The following TNRC6A variants were observed in gnomAD, a reference collection of about 807,000 sequenced individuals.
The protein encoded by TNRC6A is trinucleotide repeat containing adaptor 6A.
Under a neutral mutation model 221.2 loss-of-function variants are expected in TNRC6A, and 44 were observed. The ratio of observed to expected loss-of-function variants is 0.20; its 90% CI spans 0.16 to 0.26. The LOEUF (loss-of-function observed/expected upper bound fraction) is 0.26. Among genes scored for constraint, TNRC6A ranks in the 10% least tolerant of loss-of-function variants. The pLI, the probability that TNRC6A is intolerant of heterozygous loss-of-function variation, is 1.00. For synonymous variants in TNRC6A, 847 were observed against 838.5 expected, an observed-to-expected ratio of 1.01 and a Z score of -0.18; for missense variants, 2,199 against 2,404.4, an observed-to-expected ratio of 0.91 and a Z score of 1.79.
intron 5 of TNRC6A, among the ~76,000 whole-genome samples, chr16:24,783,962 T>C (rs1173022800): frequency 6.6e-6 from 1 of 152,236 alleles, no homozygotes; most frequent in East Asian, 1.9e-4. Context: ...TCAGTTTTAA[T>C]AGCGTCTTTT....
intron 4 of TNRC6A, among the ~76,000 whole-genome samples, chr16:24,770,679 C>G (rs1367674136): frequency 6.6e-6 from 1 of 152,170 alleles, no homozygotes; most frequent in East Asian, 1.9e-4. Context: ...CTCCTTCTAT[C>G]TGCTGCTTAA....
chr16:24,823,410 C>A lies in TNRC6A; in HGVS notation c.5514-22C>A. 1 of 1,589,330 alleles carries A rather than the reference C, an allele frequency of 6.3e-7. No individual in the cohort carries two copies. The highest frequency in any genetic ancestry group is 1.1e-5 in the South Asian group (1 of 87,022). On this transcript the variant is annotated intron_variant, in intron 24 of 24. Transcript: ENST00000395799. This position sits in a 1 kb window ranked among gnomAD's most constrained non-coding sequence, Gnocchi z 4.3. Reference sequence around the variant, plus strand: ...CTCCTGGTGTGCTGTCCTCACGTGTCCGCGGTGCCTCTCTCCTCTAGGTGT... The same window carrying A: ...CTCCTGGTGTGCTGTCCTCACGTGTACGCGGTGCCTCTCTCCTCTAGGTGT...
intron 2 of TNRC6A, among the ~76,000 whole-genome samples, chr16:24,660,855 C>A (rs899132109): frequency 2.7e-5 from 4 of 149,320 alleles, no homozygotes; most frequent in African/African-American, 9.9e-5. Context: ...CATTCTCCTG[C>A]CTCAGCCTCC....
In TNRC6A at chr16:24,809,290, C is replaced by T. The variant is rs1195233328; in HGVS notation, c.4541-60C>T. ...GTTTTTCTAGGAAATAGAAGTTGTG[C>T]TACTAGAAAGAAAATGTGCTGTATT... is the stretch of plus-strand genomic sequence containing the variant. On this transcript the variant is annotated intron_variant, in intron 17 of 24. Coordinates refer to ENST00000395799, the MANE Select transcript of TNRC6A (RefSeq NM_014494.4). 21 of 1,388,022 alleles carry T rather than the reference C, an allele frequency of 1.5e-5. No homozygotes were observed. The Middle Eastern group carries it at 7.2e-4, about 47-fold the overall frequency. The allele number at this position is 1,388,022 out of a possible 1,614,324, so 86.0% of individuals were successfully genotyped here. A position where few individuals can be genotyped will look rare whatever the true frequency, so the allele number is the denominator to read the frequency against.
At chr16:24,809,926 C>CTAG (rs2058509770) in intron 18 of TNRC6A, among the ~76,000 whole-genome samples, 1 of 152,190 alleles carries the variant, frequency 6.6e-6, no homozygotes. Flanking sequence ...AGTTCTCCTA[C>CTAG]CTCAGCCTCC....
chr16:24,823,624 T>G lies in TNRC6A; in HGVS notation c.5706T>G (p.Gly1902=), dbSNP rs752525621. Residue 1902 remains glycine, a synonymous_variant, in exon 25 of 25, where the codon GGT becomes GGG. Transcript: ENST00000395799. The surrounding 1 kb of genome is among the most constrained non-coding windows in gnomAD (Gnocchi z 4.3). ...SSRTDLNHWN[G]AGLSGTNCGD... ...GGACCGATCTCAATCACTGGAATGG[T>G]GCTGGGCTGTCGGGAACTAACTGTG... 10 of 1,613,882 alleles carry G rather than the reference T, an allele frequency of 6.2e-6. No homozygotes were observed. The Admixed American group carries it at 1.2e-4, about 19-fold the overall frequency.
At chr16:24,822,735 C>T (rs529446975) in intron 23 of TNRC6A, 139 bp from the exon 24 acceptor site, 24 of 1,210,024 alleles carry the variant, frequency 2.0e-5, no homozygotes, top group African/African-American at 9.0e-5. Flanking sequence ...GTCAGAGCAA[C>T]GTCAGAGTGT....
intron 4 of TNRC6A, 25 bp downstream of exon 4, chr16:24,758,385 A>G (rs9923373): frequency 6.2e-6 from 10 of 1,608,692 alleles, no homozygotes; most frequent in Non-Finnish European, 8.5e-6. Flanking sequence ...GCTATTTTTT[A>G]TCCCTTTTTT....
chr16:24,676,989 C>G (rs2055432199), intron 2 of TNRC6A, among the ~76,000 whole-genome samples: 1 of 151,978 alleles, frequency 6.6e-6, no homozygotes, highest in Non-Finnish European at 1.5e-5. Context: ...AATATCATTG[C>G]GTGCCACTAA....
chr16:24,797,358 A>T, intron 9 of TNRC6A, 132 bp from the exon 10 acceptor site: 1 of 603,356 alleles, frequency 1.7e-6, no homozygotes, highest in Non-Finnish European at 2.8e-6. Context: ...AACTCTGATA[A>T]GAGTTGATTG....
rs554657546 is a variant in TNRC6A, at chr16:24,747,184, A to G, written c.54-3542A>G. On this transcript the variant is annotated intron_variant, in intron 2 of 24. Transcript: ENST00000395799. The stretch of plus-strand genomic sequence containing the variant: ...TACAATTTACATACAGTAAAATTCA[A>G]ACATTGAGTGTGTAGGTGAATGATT... Among the ~76,000 whole-genome samples the G allele has an allele frequency of 3.3e-5, 5 of 152,344 alleles. No individual in the cohort carries two copies. The South Asian group carries it at 1.0e-3, about 32-fold the overall frequency.
At chr16:24,745,056 G>T (rs2056974242) in intron 2 of TNRC6A, among the ~76,000 whole-genome samples, 1 of 152,042 alleles carries the variant, frequency 6.6e-6, no homozygotes. Flanking sequence ...TACTGTATTT[G>T]CAGATAATTG....
chr16:24,709,709 C>G (rs2056166769), intron 2 of TNRC6A, among the ~76,000 whole-genome samples: 1 of 150,288 alleles, frequency 6.7e-6, no homozygotes. Flanking sequence ...CCTGTAGTCC[C>G]TGCTATGCGG....
In TNRC6A at chr16:24,793,539, G is replaced by T; in HGVS notation, c.3242G>T (p.Trp1081Leu). Residue 1081 changes from tryptophan (W) to leucine (L), a missense_variant, in exon 7 of 25, where the codon TGG (tryptophan) becomes TTG (leucine). Trp to Leu is a moderately conservative substitution (Grantham distance 61). This residue lies in a region of TNRC6A where 1,405 missense variants were observed against 1,400.2 expected (regional missense o/e 1.00). Coordinates refer to ENST00000395799, the MANE Select transcript of TNRC6A (RefSeq NM_014494.4). ...ATTVDNGTSA[W>L]GKPIDSGPSW... is the part of the protein sequence containing the mutation. ...ACTGTGGATAATGGTACTTCAGCAT[G>T]GGGTAAGCCCATAGACAGTGGTCCC... The T allele has an allele frequency of 6.4e-7, 1 of 1,562,756 alleles. No homozygotes were observed.
intron 1 of TNRC6A, among the ~76,000 whole-genome samples, chr16:24,633,731 A>G (rs1299905657): frequency 6.6e-6 from 1 of 151,050 alleles, no homozygotes; most frequent in Non-Finnish European, 1.5e-5. Flanking sequence ...GCCTCCACAC[A>G]CACACATTCC....
upstream of TNRC6A, chr16:24,729,609 T>G: frequency 2.4e-6 from 1 of 418,396 alleles, no homozygotes; most frequent in Non-Finnish European, 4.1e-6. Flanking sequence ...TGGGGGCCAG[T>G]GGCCGTGGCG....
At chr16:24,776,799 G>A (rs1425271258) in intron 4 of TNRC6A, 134 bp from the exon 5 acceptor site, 1 of 1,480,734 alleles carries the variant, frequency 6.8e-7, no homozygotes, top group Non-Finnish European at 8.9e-7. Flanking sequence ...CTGTAAATGA[G>A]GATATCCCTG....
intron 1 of TNRC6A, among the ~76,000 whole-genome samples, chr16:24,633,617 A>C (rs1454673180): frequency 6.6e-6 from 1 of 151,490 alleles, no homozygotes; most frequent in Non-Finnish European, 1.5e-5. Context: ...CAGACCTCGA[A>C]CTCCTGACCT....
chr16:24,819,320 T>TA lies in TNRC6A; in HGVS notation c.5080+621dup, dbSNP rs774713611. Among the ~76,000 whole-genome samples, 102 of 152,314 alleles carry TA rather than the reference T, an allele frequency of 6.7e-4. 1 individual carries two copies. Among genetic ancestry groups the TA allele is most frequent in the Non-Finnish European group, 6.0e-4 (41 of 68,016 alleles). ...ACTCCTTGCTGTCCCCTCATGCTTT[T>TA]AGCATGATAGTTGATGTGGTTTACT... On this transcript the variant is annotated intron_variant, in intron 21 of 24. Coordinates refer to ENST00000395799, the MANE Select transcript of TNRC6A (RefSeq NM_014494.4).
Sources: gnomAD v4.1 joint callset for allele counts (sites outside exome capture counted in the v4.1 genomes callset) on GRCh38, gnomAD v4.1.1 for gene constraint, gnomAD v4.1.1 regional missense constraint, Gnocchi (gnomAD v3.1) non-coding constraint, MANE v1.5 for transcripts, NCBI Gene and HGNC (gene_info 2026-07-23, HGNC 2026-07-21) for gene names.